Variants in ASPH observed in about 807,000 individuals in gnomAD.
ASPH encodes the protein aspartate beta-hydroxylase.
ASPH carries 100 observed loss-of-function variants against 118.4 expected under a neutral mutation model. The observed-to-expected ratio is 0.84, with a 90% CI of 0.72 to 1.00. The LOEUF is 1.00. Among genes scored for constraint, ASPH ranks in the 50% least tolerant of loss-of-function variants. ASPH has a pLI of 0.00. For synonymous variants in ASPH, 315 were observed against 325.6 expected (o/e 0.97, Z 0.35); for missense variants, 920 against 919.5 (o/e 1.00, Z -0.01).
chr8:61,644,789 T>C (rs1334681026), intron 6 of ASPH, among the ~76,000 whole-genome samples, 157 bp from the exon 7 acceptor site: 1 of 152,210 alleles, frequency 6.6e-6, no homozygotes, highest in African/African-American at 2.4e-5. Flanking sequence ...CTTTTATATT[T>C]CACTAGAAGT....
chr8:61,644,741 T>A, intron 6 of ASPH, 109 bp from the exon 7 acceptor site: 1 of 798,588 alleles, frequency 1.3e-6, no homozygotes, highest in Non-Finnish European at 1.8e-6. Context: ...ATTTAAAAAA[T>A]TAAAAAATGG....
chr8:61,528,301 G>GA (rs1010179842), intron 21 of ASPH, among the ~76,000 whole-genome samples: 9 of 152,040 alleles, frequency 5.9e-5, no homozygotes, highest in Non-Finnish European at 1.0e-4. Context: ...CCATGGAAAA[G>GA]AAAAAAATGC....
chr8:61,706,919 T>C (rs566870163), intron 1 of ASPH, among the ~76,000 whole-genome samples: 1 of 152,306 alleles, frequency 6.6e-6, no homozygotes, highest in East Asian at 1.9e-4. Context: ...TGGCCCTTTT[T>C]AAAAAACAAT....
intron 15 of ASPH, among the ~76,000 whole-genome samples, chr8:61,581,986 T>A (rs1323139839): frequency 1.3e-5 from 2 of 152,192 alleles, no homozygotes; most frequent in Non-Finnish European, 2.9e-5. Flanking sequence ...GCCTAAGGCA[T>A]GAACTGAGGC....
intron 14 of ASPH, among the ~76,000 whole-genome samples, chr8:61,594,995 T>C: frequency 6.6e-6 from 1 of 152,176 alleles, no homozygotes; most frequent in East Asian, 1.9e-4. Flanking sequence ...TATTGACTGG[T>C]TTTCACTATT....
In ASPH at chr8:61,665,295, A is replaced by T. The variant is rs377016597; in HGVS notation, c.323-11635T>A. The T allele has an allele frequency of 1.1e-5, 17 of 1,612,490 alleles. No homozygotes were observed. In the African/African-American group the frequency reaches 1.9e-4, roughly 18 times the overall value. ...GTATTTCCCTTTGTTAAGTGTGCAT[A>T]TCTGGTAGAACTTCTACTTTCCTTT... On this transcript the variant is annotated intron_variant, in intron 3 of 24. Coordinates refer to ENST00000379454, the MANE Select transcript of ASPH (RefSeq NM_004318.4).
At chr8:61,682,287 G>C (rs1240757221) in intron 2 of ASPH, 4 of 744,414 alleles carry the variant, frequency 5.4e-6, no homozygotes, top group Non-Finnish European at 8.7e-6. Flanking sequence ...AACAGTAAAA[G>C]ATAGAAAATA....
At chr8:61,653,330 A>C (rs1009684320) in intron 4 of ASPH, among the ~76,000 whole-genome samples, 1 of 152,222 alleles carries the variant, frequency 6.6e-6, no homozygotes, top group Non-Finnish European at 1.5e-5. Flanking sequence ...GACGTTCCTA[A>C]ATGTGTGGTT....
At chr8:61,532,160 C>T (rs1437942021) in intron 21 of ASPH, among the ~76,000 whole-genome samples, 1 of 152,138 alleles carries the variant, frequency 6.6e-6, no homozygotes, top group Non-Finnish European at 1.5e-5. Context: ...CAACAGTGTA[C>T]ATGTGTTCCC....
intron 3 of ASPH, chr8:61,657,644 T>G (rs1236553501): frequency 6.6e-6 from 1 of 152,070 alleles, no homozygotes; most frequent in Non-Finnish European, 1.5e-5. Flanking sequence ...ACTGGGCACA[T>G]ATTTGGCACC....
At chr8:61,513,110 A>G (rs1305276861) in intron 24 of ASPH, among the ~76,000 whole-genome samples, 1 of 152,228 alleles carries the variant, frequency 6.6e-6, no homozygotes, top group Non-Finnish European at 1.5e-5. Context: ...CCGATTATTA[A>G]TACCTGAAAA....
In ASPH at chr8:61,539,267, G is replaced by A. The variant is rs372550148; in HGVS notation, c.1764+8804C>T. Among the ~76,000 whole-genome samples the A allele has an allele frequency of 6.6e-5, 10 of 152,154 alleles. No individual in the cohort carries two copies. The East Asian group carries it at 7.7e-4, about 12-fold the overall frequency. On this transcript the variant is annotated intron_variant, in intron 21 of 24. Coordinates refer to ENST00000379454, the MANE Select transcript of ASPH (RefSeq NM_004318.4). ...AAATATATATATATTTAAAATTATA[G>A]TTTTTGTTATCAGCGGTAGTTTTCT...
chr8:61,562,211 T>C (rs1830175290), intron 18 of ASPH, among the ~76,000 whole-genome samples: 1 of 152,198 alleles, frequency 6.6e-6, no homozygotes, highest in Non-Finnish European at 1.5e-5. Flanking sequence ...AGAGGTTATC[T>C]ATCAACATCT....
intron 22 of ASPH, among the ~76,000 whole-genome samples, chr8:61,519,626 A>G (rs1812215671): frequency 6.6e-6 from 1 of 152,212 alleles, no homozygotes; most frequent in South Asian, 2.1e-4. Context: ...TAGGGAGATT[A>G]TCCAAGATTA....
intron 1 of ASPH, chr8:61,689,617 T>A: frequency 6.7e-7 from 1 of 1,490,890 alleles, no homozygotes; most frequent in South Asian, 1.2e-5. Flanking sequence ...GAAAATAAAG[T>A]GAAAAGCTGT....
At chr8:61,568,626 G>C (rs1427312762) in intron 16 of ASPH, among the ~76,000 whole-genome samples, 1 of 152,196 alleles carries the variant, frequency 6.6e-6, no homozygotes, top group Non-Finnish European at 1.5e-5. Context: ...GAAGTTAAGT[G>C]TGGGAATCAT....
At chr8:61,666,391 A>C (rs1819631129) in intron 3 of ASPH, among the ~76,000 whole-genome samples, 1 of 152,214 alleles carries the variant, frequency 6.6e-6, no homozygotes, top group Admixed American at 6.5e-5. Flanking sequence ...AGTTAGCAAA[A>C]GCTCTGAATT....
At chr8:61,614,403 C>A (rs899890992) in intron 14 of ASPH, among the ~76,000 whole-genome samples, 33 of 152,288 alleles carry the variant, frequency 2.2e-4, no homozygotes, top group South Asian at 8.3e-4. Flanking sequence ...TGATAACTGA[C>A]CTTTGATAAT....
chr8:61,651,766 C>A (rs2151111720), intron 4 of ASPH, among the ~76,000 whole-genome samples: 1 of 152,336 alleles, frequency 6.6e-6, no homozygotes, highest in South Asian at 2.1e-4. Flanking sequence ...CAAAAGTGAA[C>A]ATAAATGATG....
Sources: gnomAD v4.1 joint callset for allele counts (sites outside exome capture counted in the v4.1 genomes callset) on GRCh38, gnomAD v4.1.1 for gene constraint, MANE v1.5 for transcripts, NCBI Gene and HGNC (gene_info 2026-07-23, HGNC 2026-07-21) for gene names.